PRR5: variants seen among roughly 807,000 people sequenced by gnomAD.
The protein encoded by PRR5 is proline-rich protein 5.
Under a neutral mutation model 30.6 loss-of-function variants are expected in PRR5, and 25 were observed. The observed-to-expected ratio is 0.82, with a 90% CI of 0.60 to 1.14. The LOEUF (loss-of-function observed/expected upper bound fraction) is 1.14, where lower values mean the gene tolerates loss of function less well. PRR5 is among the 50% of genes most tolerant of loss of function. PRR5 has a pLI of 0.00. For missense variants in PRR5, 600 were observed against 547.1 expected (o/e 1.10, Z -0.96); for synonymous variants, 286 against 247.1 (o/e 1.16, Z -1.48).
chr22:44,715,951 C>T (rs1260339369), intron 2 of PRR5, among the ~76,000 whole-genome samples: 24 of 152,228 alleles, frequency 1.6e-4, no homozygotes, highest in Admixed American at 1.6e-3. Context: ...GCCCGGCCAG[C>T]TGGGTATTTA....
intron 1 of PRR5, among the ~76,000 whole-genome samples, chr22:44,703,359 G>A (rs1309618886): frequency 7.0e-6 from 1 of 142,594 alleles, no homozygotes; most frequent in Non-Finnish European, 1.5e-5. Context: ...CTGTTCGGGG[G>A]AGGCTGTGGA....
chr22:44,721,448 C>A (rs1028433416), intron 2 of PRR5, among the ~76,000 whole-genome samples: 1 of 152,172 alleles, frequency 6.6e-6, no homozygotes, highest in African/African-American at 2.4e-5. Flanking sequence ...AGTGACCCAT[C>A]AGAAGCTGAA....
intron 7 of PRR5, among the ~76,000 whole-genome samples, chr22:44,736,350 G>A (rs1569116232): frequency 6.6e-6 from 1 of 152,158 alleles, no homozygotes; most frequent in Admixed American, 6.5e-5. Flanking sequence ...TGGGCTTCTT[G>A]GCCCTCCCAC....
At chr22:44,697,536 G>T (rs530065251), upstream of PRR5, among the ~76,000 whole-genome samples, 1 of 152,344 alleles carries the variant, frequency 6.6e-6, no homozygotes, top group East Asian at 1.9e-4. Context: ...TGCTCCTCAG[G>T]GGGCAGAAGG....
chr22:44,673,984 G>A (rs978591737), upstream of PRR5, among the ~76,000 whole-genome samples: 3 of 152,072 alleles, frequency 2.0e-5, no homozygotes, highest in East Asian at 1.9e-4. Context: ...AACCAACATC[G>A]CCATATTGGA....
At chr22:44,706,941 T>C (rs1418569147) in intron 1 of PRR5, among the ~76,000 whole-genome samples, 1 of 152,144 alleles carries the variant, frequency 6.6e-6, no homozygotes, top group Non-Finnish European at 1.5e-5. Context: ...CACTCCTTAT[T>C]TATTGGTCAG....
upstream of PRR5, among the ~76,000 whole-genome samples, chr22:44,701,874 T>G (rs112302607): frequency 0.094 from 14,057 of 149,674 alleles, 1,012 homozygotes; most frequent in African/African-American, 0.21. Flanking sequence ...GAGGGAGACC[T>G]CCGGGGCCGG....
intron 1 of PRR5, among the ~76,000 whole-genome samples, chr22:44,687,349 C>T (rs1396208373): frequency 7.8e-5 from 2 of 25,790 alleles, no homozygotes; most frequent in Admixed American, 5.7e-4. Context: ...GATGATTTCC[C>T]TATCCAGAGC....
intron 1 of PRR5, among the ~76,000 whole-genome samples, chr22:44,689,892 GC>G (rs200943402): frequency 0.023 from 3,528 of 152,312 alleles, 85 homozygotes; most frequent in East Asian, 0.12. Flanking sequence ...CAAGTGATCT[GC>G]CCGCCTCGGC....
intron 1 of PRR5, chr22:44,679,482 A>C (rs1464402410): frequency 1.9e-5 from 4 of 213,324 alleles, no homozygotes; most frequent in African/African-American, 9.2e-5. Flanking sequence ...AGGCTTGTGG[A>C]TCACCTGAGG....
intron 5 of PRR5, 119 bp downstream of exon 5, chr22:44,731,940 G>A: frequency 1.8e-6 from 2 of 1,100,736 alleles, no homozygotes; most frequent in Non-Finnish European, 2.6e-6. Context: ...GCTCTGTGCT[G>A]CTCTCCTTGG....
intron 1 of PRR5, among the ~76,000 whole-genome samples, chr22:44,678,685 C>T (rs9614872): frequency 0.14 from 20,570 of 152,182 alleles, 1,671 homozygotes; most frequent in East Asian, 0.27. Flanking sequence ...TCCTGTTCAC[C>T]GCAGGCCAGG....
chr22:44,735,588 C>A (rs370704547), intron 7 of PRR5, among the ~76,000 whole-genome samples: 1 of 152,204 alleles, frequency 6.6e-6, no homozygotes, highest in Non-Finnish European at 1.5e-5. Flanking sequence ...CTGCTTGGCG[C>A]GTCCAGCACA....
intron 1 of PRR5, among the ~76,000 whole-genome samples, chr22:44,684,992 G>A (rs543887767): frequency 2.6e-5 from 4 of 152,318 alleles, no homozygotes; most frequent in African/African-American, 4.8e-5. Flanking sequence ...CCTGGTGGCC[G>A]CTGGGGTTAC....
At position 44,737,248 on chromosome 22, in the gene PRR5, G is replaced by A. The variant is rs552325538; in HGVS notation, c.*1G>A. 6.3e-7 allele frequency: 1 copy of A among 1,595,494 alleles called. No homozygotes were observed. The highest frequency in any genetic ancestry group is 1.3e-5 in the African/African-American group (1 of 74,790). On this transcript the variant is annotated 3_prime_UTR_variant, in exon 8 of 8. Transcript: ENST00000336985. ...TGGGGGCCGGCAGAGTGTCGTGTGAGGCCTCACAGCTGGCCTTGAGTTTTT... is the reference window on the plus strand; with the variant it reads ...TGGGGGCCGGCAGAGTGTCGTGTGAAGCCTCACAGCTGGCCTTGAGTTTTT...
chr22:44,725,399 C>T, intron 3 of PRR5, 107 bp downstream of exon 3: 2 of 1,504,382 alleles, frequency 1.3e-6, no homozygotes, highest in South Asian at 2.3e-5. Context: ...CCCCCACTGT[C>T]TGCCTGCAGT....
At chr22:44,700,364 T>C (rs1252658658), upstream of PRR5, among the ~76,000 whole-genome samples, 1 of 151,986 alleles carries the variant, frequency 6.6e-6, no homozygotes, top group Admixed American at 6.6e-5. Flanking sequence ...ACTCACTAGA[T>C]TGAGGCAGGA....
chr22:44,679,871 T>C, intron 1 of PRR5: 1 of 1,583,842 alleles, frequency 6.3e-7, no homozygotes, highest in East Asian at 2.3e-5. Context: ...CGGCGCAGCC[T>C]GAGGGCTTGT....
At chr22:44,698,280 C>CCACTCTGG (rs1157132837), upstream of PRR5, among the ~76,000 whole-genome samples, 26 of 150,630 alleles carry the variant, frequency 1.7e-4, no homozygotes, top group African/African-American at 6.2e-4. Context: ...GGAGCAGGGG[C>CCACTCTGG]CACTCTGGTG....
Sources: allele counts gnomAD v4.1 joint callset (sites outside exome capture counted in the v4.1 genomes callset), GRCh38; gene constraint gnomAD v4.1.1; transcripts MANE v1.5; gene names NCBI Gene and HGNC (gene_info 2026-07-23, HGNC 2026-07-21).